The following IQCM variants were observed in gnomAD, a reference collection of about 807,000 sequenced individuals.
IQCM encodes the protein IQ motif containing M, also known as IQ domain-containing protein M.
In IQCM, 45 loss-of-function variants were observed where a neutral mutation model predicts 57.6. The observed-to-expected ratio is 0.78, with a 90% CI of 0.62 to 1.00. The LOEUF (loss-of-function observed/expected upper bound fraction) is 1.00, where lower values mean the gene tolerates loss of function less well. Among genes scored for constraint, IQCM ranks in the 50% least tolerant of loss-of-function variants. IQCM has a pLI of 0.00. For missense variants in IQCM, 468 were observed against 511.6 expected, an observed-to-expected ratio of 0.91 and a Z score of 0.82; for synonymous variants, 148 against 158.9, an observed-to-expected ratio of 0.93 and a Z score of 0.51.
rs984055141 is a variant in IQCM, at chr4:149,761,609, T to C, written c.-48-18870A>G. On this transcript the variant is annotated intron_variant, in intron 2 of 13. Transcript: ENST00000636793. The stretch of plus-strand genomic sequence containing the variant: ...CCTTTTAAATCTTGTAGTATGGTTA[T>C]TTGTGTGCACATGTTATATCCCCCA... Among the ~76,000 whole-genome samples, 12 of 152,130 alleles carry C rather than the reference T, an allele frequency of 7.9e-5. 1 individual carries two copies. Among genetic ancestry groups the C allele is most frequent in the African/African-American group, 1.4e-4 (6 of 41,452 alleles).
At chr4:149,637,358 G>C (rs1399300747) in intron 7 of IQCM, among the ~76,000 whole-genome samples, 1 of 151,982 alleles carries the variant, frequency 6.6e-6, no homozygotes, top group Non-Finnish European at 1.5e-5. Flanking sequence ...TCAAACTATA[G>C]AACATTGCTG....
intron 12 of IQCM, among the ~76,000 whole-genome samples, chr4:149,452,461 C>T (rs912887524): frequency 2.0e-5 from 3 of 150,332 alleles, no homozygotes; most frequent in Non-Finnish European, 3.0e-5. Flanking sequence ...GTAATCAAGA[C>T]AATATGATAT....
intron 8 of IQCM, among the ~76,000 whole-genome samples, chr4:149,619,109 T>TAG (rs1257726681): frequency 1.1e-5 from 1 of 89,416 alleles, no homozygotes; most frequent in African/African-American, 7.0e-5. Context: ...GTGGGATGGA[T>TAG]ATATATATAT....
intron 2 of IQCM, among the ~76,000 whole-genome samples, chr4:149,778,888 G>A (rs866779667): frequency 4.5e-4 from 69 of 152,000 alleles, no homozygotes; most frequent in African/African-American, 7.5e-4. Flanking sequence ...AGACCTAGAC[G>A]GTTTCACTGT....
At chr4:149,741,910 C>T (rs948384031) in intron 3 of IQCM, among the ~76,000 whole-genome samples, 11 of 152,186 alleles carry the variant, frequency 7.2e-5, no homozygotes, top group East Asian at 3.9e-4. Context: ...CATGTTAACA[C>T]GCACATTGCA....
At chr4:149,406,438 G>A (rs1024826245) in intron 13 of IQCM, among the ~76,000 whole-genome samples, 4 of 151,976 alleles carry the variant, frequency 2.6e-5, no homozygotes, top group African/African-American at 9.7e-5. Context: ...AACATAGAGC[G>A]GACATCACAT....
intron 12 of IQCM, among the ~76,000 whole-genome samples, chr4:149,484,297 C>T (rs1299815292): frequency 2.0e-5 from 3 of 151,918 alleles, no homozygotes; most frequent in Admixed American, 6.6e-5. Context: ...ACTCAGTTTG[C>T]ATTCAATGTT....
chr4:149,401,304 A>G (rs983515138), intron 13 of IQCM, among the ~76,000 whole-genome samples: 8 of 151,890 alleles, frequency 5.3e-5, no homozygotes, highest in Non-Finnish European at 7.4e-5. Context: ...AAGAAAATAA[A>G]TATAACTTTT....
intron 8 of IQCM, among the ~76,000 whole-genome samples, chr4:149,602,537 A>G (rs1416520530): frequency 1.3e-5 from 2 of 152,164 alleles, no homozygotes; most frequent in Admixed American, 1.3e-4. Flanking sequence ...TATTACAAAC[A>G]TCTAATATAC....
At chr4:149,566,908 G>A (rs770029837) in intron 9 of IQCM, among the ~76,000 whole-genome samples, 13 of 152,204 alleles carry the variant, frequency 8.5e-5, no homozygotes, top group South Asian at 6.2e-4. Context: ...TTTTGACAAT[G>A]GTAAATTTTG....
intron 2 of IQCM, among the ~76,000 whole-genome samples, chr4:149,761,651 C>T (rs1054586733): frequency 6.6e-6 from 1 of 152,078 alleles, no homozygotes; most frequent in African/African-American, 2.4e-5. Context: ...TTACAAGAGT[C>T]TTAAGGATAA....
chr4:149,663,620 C>A (rs1760425619), intron 7 of IQCM, among the ~76,000 whole-genome samples: 1 of 147,748 alleles, frequency 6.8e-6, no homozygotes, highest in Non-Finnish European at 1.5e-5. Context: ...TCTTTACTGA[C>A]AGTTGGTTTT....
chr4:149,359,255 A>T (rs986024692), intron 13 of IQCM, among the ~76,000 whole-genome samples: 1 of 152,208 alleles, frequency 6.6e-6, no homozygotes, highest in Non-Finnish European at 1.5e-5. Context: ...TTATTAACCC[A>T]TAGTGTGTTA....
At chr4:149,490,778 A>G (rs1742008551) in intron 12 of IQCM, among the ~76,000 whole-genome samples, 1 of 152,098 alleles carries the variant, frequency 6.6e-6, no homozygotes, top group Non-Finnish European at 1.5e-5. Flanking sequence ...ATTCTTTAAC[A>G]AAATATTACC....
At chr4:149,385,803 C>T (rs17585788) in intron 13 of IQCM, among the ~76,000 whole-genome samples, 2,930 of 152,126 alleles carry the variant, frequency 0.019, 91 homozygotes, top group South Asian at 0.15. Flanking sequence ...TTCTTCTTGA[C>T]GACTACCATA....
intron 5 of IQCM, among the ~76,000 whole-genome samples, chr4:149,695,037 T>G (rs761985197): frequency 6.6e-6 from 1 of 152,246 alleles, no homozygotes; most frequent in African/African-American, 2.4e-5. Flanking sequence ...AATGACAGAT[T>G]GCAATTTACT....
At chr4:149,478,226 G>T (rs558491030) in intron 12 of IQCM, among the ~76,000 whole-genome samples, 1 of 152,288 alleles carries the variant, frequency 6.6e-6, no homozygotes, top group South Asian at 2.1e-4. Flanking sequence ...AAATAAGTGA[G>T]CAAGAGTTTA....
At chr4:149,483,849 C>G (rs555309036) in intron 12 of IQCM, among the ~76,000 whole-genome samples, 22 of 151,890 alleles carry the variant, frequency 1.4e-4, no homozygotes, top group Non-Finnish European at 2.9e-4. Context: ...TGAGATCTAT[C>G]CAGTGCTGAA....
intron 3 of IQCM, among the ~76,000 whole-genome samples, chr4:149,738,879 G>GC (rs1767187269): frequency 6.6e-6 from 1 of 152,178 alleles, no homozygotes; most frequent in African/African-American, 2.4e-5. Flanking sequence ...ATACCTCAAT[G>GC]CCTTAGAAAA....
Sources: gnomAD v4.1 joint callset for allele counts (sites outside exome capture counted in the v4.1 genomes callset) on GRCh38, gnomAD v4.1.1 for gene constraint, MANE v1.5 for transcripts, NCBI Gene and HGNC (gene_info 2026-07-23, HGNC 2026-07-21) for gene names.